XKR4: variants seen among roughly 807,000 people sequenced by gnomAD.
XKR4 encodes XK-related protein 4.
XKR4 carries 12 observed loss-of-function variants against 53.9 expected under a neutral mutation model. The ratio of observed to expected loss-of-function variants is 0.22; its 90% confidence interval spans 0.14 to 0.36. The LOEUF is 0.36. Among genes scored for constraint, XKR4 ranks in the 10% least tolerant of loss-of-function variants. The pLI is 1.00. For missense variants in XKR4, 799 were observed against 859.5 expected (o/e 0.93, Z 0.88); for synonymous variants, 354 against 362.4 (o/e 0.98, Z 0.26).
chr8:55,128,133 C>A (rs1816499191), intron 1 of XKR4, among the ~76,000 whole-genome samples: 1 of 151,890 alleles, frequency 6.6e-6, no homozygotes, highest in African/African-American at 2.4e-5. Flanking sequence ...ATTTCTAGTT[C>A]TAGATCCCTG....
At chr8:55,384,189 G>A (rs1221445016) in intron 2 of XKR4, among the ~76,000 whole-genome samples, 1 of 152,188 alleles carries the variant, frequency 6.6e-6, no homozygotes, top group Non-Finnish European at 1.5e-5. Context: ...GCCTACAGGT[G>A]GTGAATGAGG....
chr8:55,267,187 A>G (rs926852839), intron 1 of XKR4, among the ~76,000 whole-genome samples: 1 of 152,140 alleles, frequency 6.6e-6, no homozygotes, highest in Non-Finnish European at 1.5e-5. Flanking sequence ...AGAGGCTTAG[A>G]CAAAAGTGAA....
chr8:55,311,940 A>C (rs999816831), intron 1 of XKR4, among the ~76,000 whole-genome samples: 2 of 152,054 alleles, frequency 1.3e-5, no homozygotes, highest in African/African-American at 4.8e-5. Context: ...CTTGGTCTGC[A>C]GTCCAGAGTC....
chr8:55,113,937 G>A (rs370085516), intron 1 of XKR4, among the ~76,000 whole-genome samples: 2 of 152,206 alleles, frequency 1.3e-5, no homozygotes, highest in African/African-American at 2.4e-5. Flanking sequence ...GTATTCCATG[G>A]CATCTATGTA....
chr8:55,160,069 T>A (rs1816963211), intron 1 of XKR4, among the ~76,000 whole-genome samples: 1 of 152,164 alleles, frequency 6.6e-6, no homozygotes, highest in Admixed American at 6.5e-5. Context: ...TGTAGAGAAT[T>A]GTCTAGGAAA....
intron 1 of XKR4, chr8:55,142,092 T>A: frequency 2.2e-6 from 1 of 456,070 alleles, no homozygotes; most frequent in South Asian, 1.5e-5. Context: ...TCTGGGCTGC[T>A]GGGGAGTCTT....
intron 2 of XKR4, among the ~76,000 whole-genome samples, chr8:55,515,932 G>A (rs553719663): frequency 6.6e-6 from 1 of 152,188 alleles, no homozygotes; most frequent in Non-Finnish European, 1.5e-5. Flanking sequence ...TGCTCTGGTT[G>A]TTGGTGAAGG....
rs1804134436 is a variant in XKR4 at position 55,375,658 on chromosome 8, GCCTTGA to G, written c.1006+17783_1006+17788del. Reference sequence around the variant, plus strand: ...ATATTTTTAGCACAGAATACTTTTAGCCTTGACATTTTTGAAAATAATATTTATGAG... The same window carrying G: ...ATATTTTTAGCACAGAATACTTTTAGCATTTTTGAAAATAATATTTATGAG... On this transcript the variant is annotated intron_variant, in intron 2 of 2. Coordinates refer to ENST00000327381, the MANE Select transcript of XKR4 (RefSeq NM_052898.2). Among the ~76,000 whole-genome samples the G allele has an allele frequency of 2.0e-5, 3 of 151,450 alleles. No homozygotes were observed. In the South Asian group the frequency reaches 6.3e-4, roughly 32 times the overall value.
chr8:55,464,216 A>T (rs1805716707), intron 2 of XKR4, among the ~76,000 whole-genome samples: 1 of 152,176 alleles, frequency 6.6e-6, no homozygotes. Flanking sequence ...ACATTGATGC[A>T]AAAATCCTCA....
chr8:55,340,654 C>T (rs1240796610), intron 1 of XKR4, among the ~76,000 whole-genome samples: 1 of 152,222 alleles, frequency 6.6e-6, no homozygotes, highest in Non-Finnish European at 1.5e-5. Context: ...ATCTATTTCT[C>T]ATTCATGAAT....
chr8:55,294,327 C>A (rs181241311), intron 1 of XKR4, among the ~76,000 whole-genome samples: 1 of 152,172 alleles, frequency 6.6e-6, no homozygotes, highest in Non-Finnish European at 1.5e-5. Context: ...TAAATATACA[C>A]CAACTACTCC....
chr8:55,374,754 C>T (rs766699198), intron 2 of XKR4, among the ~76,000 whole-genome samples: 1 of 152,122 alleles, frequency 6.6e-6, no homozygotes, highest in Non-Finnish European at 1.5e-5. Flanking sequence ...GGGCACACAG[C>T]AGAACACATC....
At chr8:55,327,553 A>G (rs2129380277) in intron 1 of XKR4, among the ~76,000 whole-genome samples, 1 of 152,288 alleles carries the variant, frequency 6.6e-6, no homozygotes, top group African/African-American at 2.4e-5. Context: ...AAATAAGCCT[A>G]ATGCATAATA....
At chr8:55,367,231 TTG>T (rs58010809) in intron 2 of XKR4, among the ~76,000 whole-genome samples, 34 of 150,268 alleles carry the variant, frequency 2.3e-4, no homozygotes, top group Non-Finnish European at 2.7e-4. Flanking sequence ...ACATACATTA[TTG>T]TGTGTGTGTG....
chr8:55,128,432 T>C (rs1179435712), intron 1 of XKR4, among the ~76,000 whole-genome samples: 1 of 152,198 alleles, frequency 6.6e-6, no homozygotes. Flanking sequence ...ACTCACAGGC[T>C]GCTGAGCTGG....
At chr8:55,242,745 G>A (rs543919232) in intron 1 of XKR4, among the ~76,000 whole-genome samples, 18 of 152,254 alleles carry the variant, frequency 1.2e-4, no homozygotes, top group African/African-American at 2.2e-4. Flanking sequence ...GCAGGGAGCC[G>A]CAGAGGAGGC....
intron 2 of XKR4, among the ~76,000 whole-genome samples, chr8:55,440,083 A>G (rs1435864399): frequency 6.6e-6 from 1 of 152,234 alleles, no homozygotes; most frequent in Non-Finnish European, 1.5e-5. Flanking sequence ...TCAGAATAGT[A>G]TCTTCAAAGT....
intron 2 of XKR4, among the ~76,000 whole-genome samples, chr8:55,393,770 CA>C (rs1223899891): frequency 6.6e-6 from 1 of 152,156 alleles, no homozygotes; most frequent in Non-Finnish European, 1.5e-5. Context: ...TAATAATAAA[CA>C]AACGTCCCTT....
intron 1 of XKR4, among the ~76,000 whole-genome samples, chr8:55,223,503 T>A (rs1046881514): frequency 2.6e-5 from 4 of 152,194 alleles, no homozygotes; most frequent in Admixed American, 1.3e-4. Flanking sequence ...TAAAATAGGA[T>A]TGTATCAAAA....
Sources: gnomAD v4.1 joint callset for allele counts (sites outside exome capture counted in the v4.1 genomes callset) on GRCh38, gnomAD v4.1.1 for gene constraint, MANE v1.5 for transcripts, NCBI Gene and HGNC (gene_info 2026-07-23, HGNC 2026-07-21) for gene names.